DPY19L1: variants seen among roughly 807,000 people sequenced by gnomAD.
DPY19L1 encodes the protein dpy-19 like C-mannosyltransferase 1.
A neutral mutation model predicts 96.9 loss-of-function variants in DPY19L1; 35 were observed. The observed-to-expected ratio is 0.36, with a 90% CI of 0.28 to 0.48. The LOEUF (loss-of-function observed/expected upper bound fraction) is 0.48. Ranked by LOEUF, DPY19L1 falls within the 20% of genes least tolerant of loss-of-function variation. The probability of loss-of-function intolerance (pLI) is 0.99; values close to 1 mark genes in which losing one functional copy is unlikely to be tolerated. For missense variants in DPY19L1, 521 were observed against 777.9 expected, an observed-to-expected ratio of 0.67 and a Z score of 3.93; for synonymous variants, 205 against 252.6, an observed-to-expected ratio of 0.81 and a Z score of 1.79.
intron 13 of DPY19L1, among the ~76,000 whole-genome samples, chr7:34,953,630 G>C (rs752040206): frequency 1.3e-5 from 2 of 152,020 alleles, no homozygotes; most frequent in African/African-American, 4.8e-5. Context: ...CCTATTTTCC[G>C]AATTTTCCGC....
At chr7:34,996,630 C>T (rs1249102225) in intron 6 of DPY19L1, among the ~76,000 whole-genome samples, 2 of 151,828 alleles carry the variant, frequency 1.3e-5, no homozygotes, top group Non-Finnish European at 2.9e-5. Context: ...AGCCTGCTCC[C>T]TCTACACTGC....
chr7:35,011,457 T>TA lies in DPY19L1; in HGVS notation c.550-8dup. ...ACCAACTGGCCAAAATTACCTATTT[T>TA]AAAAAATACAGAGGCATCTTAAGAA... On this transcript the variant is annotated splice_region_variant and splice_polypyrimidine_tract_variant and intron_variant, in intron 4 of 21. Transcript: ENST00000638088. The TA allele has an allele frequency of 6.3e-7, 1 of 1,592,840 alleles. No individual in the cohort carries two copies. The highest frequency in any genetic ancestry group is 8.5e-7 in the Non-Finnish European group (1 of 1,173,660).
In DPY19L1 at chr7:34,940,279, C is replaced by A; in HGVS notation, c.1738G>T (p.Ala580Ser). The A allele has an allele frequency of 1.2e-6, 2 of 1,611,592 alleles. No individual in the cohort carries two copies. Among genetic ancestry groups the A allele is most frequent in the Non-Finnish European group, 1.7e-6 (2 of 1,179,716 alleles). ...TGTATTGACATTGCTGCTAATATAG[C>A]AAACACAATAGCACCAGGATGTACT... ...CKVHPGAIVFAILAAMSIQGS... is the reference protein window; with the variant it reads ...CKVHPGAIVFSILAAMSIQGS... Residue 580 changes from alanine to serine, a missense_variant, in exon 19 of 22, where the codon GCT becomes TCT. Coordinates refer to ENST00000638088, the MANE Select transcript of DPY19L1 (RefSeq NM_001366673.1).
chr7:34,997,504 G>A (rs1785317312), intron 6 of DPY19L1, among the ~76,000 whole-genome samples: 1 of 150,336 alleles, frequency 6.7e-6, no homozygotes, highest in Non-Finnish European at 1.5e-5. Context: ...CAGCTACTCG[G>A]GAGGCTGAGG....
intron 21 of DPY19L1, among the ~76,000 whole-genome samples, chr7:34,932,019 T>C (rs1456366079): frequency 6.6e-6 from 1 of 152,188 alleles, no homozygotes; most frequent in Non-Finnish European, 1.5e-5. Flanking sequence ...CAGCTACTTA[T>C]CAAGAATGTG....
intron 1 of DPY19L1, among the ~76,000 whole-genome samples, chr7:35,034,732 A>G (rs1412723111): frequency 5.3e-5 from 8 of 152,318 alleles, no homozygotes; most frequent in African/African-American, 1.9e-4. Flanking sequence ...TAAGTTACAA[A>G]ATTACTTTCT....
intron 3 of DPY19L1, among the ~76,000 whole-genome samples, chr7:35,017,210 T>C (rs1367967839): frequency 1.3e-5 from 2 of 152,010 alleles, no homozygotes; most frequent in African/African-American, 2.4e-5. Flanking sequence ...AAAGAGATAG[T>C]TGGCCGGGCA....
intron 21 of DPY19L1, among the ~76,000 whole-genome samples, chr7:34,934,242 C>G (rs1325968648): frequency 6.6e-6 from 1 of 152,092 alleles, no homozygotes; most frequent in Non-Finnish European, 1.5e-5. Flanking sequence ...GGATTACAGG[C>G]GTGACCCACC....
At chr7:34,954,882 T>G in intron 12 of DPY19L1, 104 bp from the exon 13 acceptor site, 1 of 515,912 alleles carries the variant, frequency 1.9e-6, no homozygotes, top group Non-Finnish European at 3.4e-6. Flanking sequence ...TACATATTAC[T>G]ATCTACAAGA....
chr7:35,028,925 T>C (rs1786195326), intron 1 of DPY19L1, among the ~76,000 whole-genome samples: 1 of 152,202 alleles, frequency 6.6e-6, no homozygotes, highest in Non-Finnish European at 1.5e-5. Flanking sequence ...TCTTTTAGCA[T>C]GCTAATGTAT....
chr7:35,037,435 G>A lies in DPY19L1; in HGVS notation c.-41C>T. 1 of 319,308 alleles carries A rather than the reference G, an allele frequency of 3.1e-6. No homozygotes were observed. The highest frequency in any genetic ancestry group is 2.2e-5 in the African/African-American group (1 of 45,442). The allele number at this position is 319,308 out of a possible 1,614,324, so 19.8% of individuals were successfully genotyped here. On this transcript the variant is annotated 5_prime_UTR_variant, in exon 1 of 22. Coordinates refer to ENST00000638088, the MANE Select transcript of DPY19L1 (RefSeq NM_001366673.1). The stretch of plus-strand genomic sequence containing the variant: ...CCCGCTCGCTGCGCGCGCCCGGACG[G>A]CGGCCAGAGAACGGCGGGCTGGCTG...
At chr7:34,977,511 T>G (rs1328084677) in intron 7 of DPY19L1, among the ~76,000 whole-genome samples, 2 of 152,174 alleles carry the variant, frequency 1.3e-5, no homozygotes, top group African/African-American at 2.4e-5. Context: ...CAAGGTCTTC[T>G]CCCTCCAAAA....
intron 7 of DPY19L1, among the ~76,000 whole-genome samples, chr7:34,988,692 C>G (rs1285923296): frequency 6.6e-6 from 1 of 152,132 alleles, no homozygotes; most frequent in Non-Finnish European, 1.5e-5. Flanking sequence ...CATGGAAGGA[C>G]AAAGTCACTT....
intron 1 of DPY19L1, among the ~76,000 whole-genome samples, chr7:35,036,705 A>T (rs1471779061): frequency 1.3e-5 from 2 of 152,154 alleles, no homozygotes; most frequent in Non-Finnish European, 2.9e-5. Flanking sequence ...AATCGTTTCC[A>T]AGCCAAAGCA....
chr7:35,014,969 G>C (rs1403419096), intron 3 of DPY19L1, among the ~76,000 whole-genome samples: 1 of 152,160 alleles, frequency 6.6e-6, no homozygotes, highest in Non-Finnish European at 1.5e-5. Flanking sequence ...AACCACCAGA[G>C]GCTGAGAAGA....
rs775633108 is a variant in DPY19L1 at position 34,943,695 on chromosome 7, C to T, written c.1545-1056G>A. ...TTTGAACTGACAACTCCATGAAGCT[C>T]AATGGTTTCCTATAATTACTTCTAT... On this transcript the variant is annotated intron_variant, in intron 16 of 21. Transcript: ENST00000638088. 2.8e-4 allele frequency among the ~76,000 whole-genome samples: 42 copies of T among 152,278 alleles called. 3 individuals are homozygous for T. Among genetic ancestry groups the T allele is most frequent in the East Asian group, 2.7e-3 (14 of 5,176 alleles).
intron 14 of DPY19L1, among the ~76,000 whole-genome samples, chr7:34,948,394 C>A (rs914126417): frequency 6.6e-6 from 1 of 152,056 alleles, no homozygotes; most frequent in Admixed American, 6.6e-5. Flanking sequence ...TTAGGAAATA[C>A]CATGTTAAAT....
chr7:34,962,824 G>A (rs1477544274), intron 10 of DPY19L1, among the ~76,000 whole-genome samples: 2 of 152,158 alleles, frequency 1.3e-5, no homozygotes, highest in African/African-American at 4.8e-5. Context: ...CTCTGGTGCG[G>A]GATGTCAATA....
Position 34,942,222 on chromosome 7 carries a change from C to G in DPY19L1, c.1570-338G>C, listed in dbSNP as rs375789272. On this transcript the variant is annotated intron_variant, in intron 17 of 21. Transcript: ENST00000638088. ...ACTGCTGCCTCAAGATCTGAGGGCT[C>G]CACCTTGGAACTGCCCTCAAAACCA... Among the ~76,000 whole-genome samples the G allele has an allele frequency of 7.0e-4, 106 of 152,242 alleles. 1 individual carries two copies. The highest frequency in any genetic ancestry group is 2.4e-3 in the African/African-American group (100 of 41,526).
Sources: allele counts gnomAD v4.1 joint callset (sites outside exome capture counted in the v4.1 genomes callset), GRCh38; gene constraint gnomAD v4.1.1; transcripts MANE v1.5; gene names NCBI Gene and HGNC (gene_info 2026-07-23, HGNC 2026-07-21).